Variants in CORIN observed in about 807,000 individuals in gnomAD.
CORIN encodes atrial natriuretic peptide-converting enzyme.
In CORIN, 117 loss-of-function variants were observed where a neutral mutation model predicts 125.3. That is an observed-to-expected ratio of 0.93 (90% CI 0.80 to 1.09). CORIN has a LOEUF of 1.09. Ranked by LOEUF, CORIN falls within the 50% of genes least tolerant of loss-of-function variation. The pLI is 0.00. For missense variants in CORIN, 1,253 were observed against 1,306.7 expected, an observed-to-expected ratio of 0.96 and a Z score of 0.63; for synonymous variants, 450 against 466.4, an observed-to-expected ratio of 0.96 and a Z score of 0.45.
intron 4 of CORIN, among the ~76,000 whole-genome samples, chr4:47,752,935 T>A (rs1331424767): frequency 1.3e-5 from 2 of 152,212 alleles, no homozygotes; most frequent in Non-Finnish European, 2.9e-5. Context: ...AAGGATGCCA[T>A]GAATACGGAT....
chr4:47,825,237 C>T (rs766654476), intron 1 of CORIN, among the ~76,000 whole-genome samples: 3 of 152,296 alleles, frequency 2.0e-5, no homozygotes, highest in Admixed American at 6.5e-5. Context: ...TCCGGATCAG[C>T]GATGGAAAGC....
chr4:47,811,224 C>T (rs1212286294), intron 1 of CORIN, among the ~76,000 whole-genome samples: 5 of 152,050 alleles, frequency 3.3e-5, no homozygotes, highest in African/African-American at 7.2e-5. Context: ...GAAAAAACAA[C>T]GTGAAAAATG....
intron 16 of CORIN, among the ~76,000 whole-genome samples, chr4:47,626,995 T>TGTTG (rs148244763): frequency 0.021 from 3,026 of 146,916 alleles, 42 homozygotes; most frequent in Non-Finnish European, 0.031. Flanking sequence ...TTGTTGTTGT[T>TGTTG]TTTTTTTTGA....
intron 5 of CORIN, among the ~76,000 whole-genome samples, chr4:47,702,041 A>G (rs941022470): frequency 6.6e-6 from 1 of 152,196 alleles, no homozygotes; most frequent in African/African-American, 2.4e-5. Context: ...TCTAAATTCA[A>G]AGATAATTTC....
intron 3 of CORIN, among the ~76,000 whole-genome samples, chr4:47,769,634 T>C (rs1056425675): frequency 1.3e-5 from 2 of 152,024 alleles, no homozygotes; most frequent in Non-Finnish European, 2.9e-5. Flanking sequence ...TATAAAGCTA[T>C]AGTAATCAAA....
intron 5 of CORIN, among the ~76,000 whole-genome samples, chr4:47,729,805 C>T (rs556695484): frequency 1.2e-4 from 18 of 152,224 alleles, no homozygotes; most frequent in African/African-American, 4.1e-4. Flanking sequence ...ACACACGGAG[C>T]GGCTGAATAT....
chr4:47,628,588 A>G (rs35971161), intron 16 of CORIN, among the ~76,000 whole-genome samples: 39,532 of 151,742 alleles, frequency 0.26, 5,328 homozygotes, highest in Admixed American at 0.36. Flanking sequence ...CCACATTACC[A>G]AATCTTTGTA....
rs528929728 is a variant in CORIN at position 47,729,981 on chromosome 4, A to G, written c.799+14421T>C. ...TTCCCCTGCTTCCGGCTCCCCATCC[A>G]CCTCGCTGAGAGCCACCTCCACCAC... is the stretch of plus-strand genomic sequence containing the variant. On this transcript the variant is annotated intron_variant, in intron 5 of 21. Coordinates refer to ENST00000273857, the MANE Select transcript of CORIN (RefSeq NM_006587.4). 2.6e-5 allele frequency among the ~76,000 whole-genome samples: 4 copies of G among 151,946 alleles called. No individual in the cohort carries two copies. In the South Asian group the frequency reaches 8.3e-4, roughly 32 times the overall value.
chr4:47,743,522 A>G (rs747257423), intron 5 of CORIN, among the ~76,000 whole-genome samples: 2 of 152,276 alleles, frequency 1.3e-5, no homozygotes, highest in Non-Finnish European at 2.9e-5. Context: ...AGGAGCTGGT[A>G]AGAGCATAAA....
At position 47,595,463 on chromosome 4, in the gene CORIN, A is replaced by T; in HGVS notation, c.*258T>A. The T allele has an allele frequency of 2.3e-5, 6 of 258,540 alleles. No individual in the cohort carries two copies. The highest frequency in any genetic ancestry group is 9.7e-5 in the South Asian group (1 of 10,300). 16.0% of individuals were successfully genotyped at this position (258,540 alleles called of 1,614,324 possible). A position where few individuals can be genotyped will look rare whatever the true frequency, so the allele number is the denominator to read the frequency against. On this transcript the variant is annotated 3_prime_UTR_variant, in exon 22 of 22. Coordinates refer to ENST00000273857, the MANE Select transcript of CORIN (RefSeq NM_006587.4). ...ATAATTTTGTGCTGCAGTCATGGTT[A>T]GGCCTGGCAAAAGGACAAAGTCTGC...
intron 2 of CORIN, among the ~76,000 whole-genome samples, chr4:47,797,161 T>C (rs981510493): frequency 1.3e-5 from 2 of 150,866 alleles, no homozygotes; most frequent in Non-Finnish European, 3.0e-5. Flanking sequence ...TTTCTCAACA[T>C]ATCAAAATAA....
rs202245292 is a variant in CORIN at position 47,648,001 on chromosome 4, TA to T, written c.1844-2808del. Among the ~76,000 whole-genome samples the T allele has an allele frequency of 6.0e-4, 92 of 152,302 alleles. No individual in the cohort carries two copies. The East Asian group carries it at 0.018, about 29-fold the overall frequency. On this transcript the variant is annotated intron_variant, in intron 13 of 21. Transcript: ENST00000273857. ...CCTCTCCATGTCTTCTCTTTTCTCATAAAAGTTTGCATAGCATAATACCTCC... is the reference window on the plus strand; with the variant it reads ...CCTCTCCATGTCTTCTCTTTTCTCATAAAGTTTGCATAGCATAATACCTCC...
At chr4:47,596,674 G>A (rs977935015) in intron 21 of CORIN, among the ~76,000 whole-genome samples, 1 of 152,160 alleles carries the variant, frequency 6.6e-6, no homozygotes, top group African/African-American at 2.4e-5. Flanking sequence ...AAAAAGAAGA[G>A]CTGATATCAT....
At chr4:47,706,887 G>A (rs577738640) in intron 5 of CORIN, 41 of 1,599,220 alleles carry the variant, frequency 2.6e-5, no homozygotes, top group Middle Eastern at 2.0e-4. Flanking sequence ...CGAAAGAGCC[G>A]TGGCCTTGGA....
At chr4:47,635,903 G>A (rs766867718) in intron 16 of CORIN, among the ~76,000 whole-genome samples, 2 of 152,110 alleles carry the variant, frequency 1.3e-5, no homozygotes, top group African/African-American at 2.4e-5. Context: ...AATAATACAA[G>A]CCCTCTTTGG....
At chr4:47,776,670 G>A (rs767291665) in intron 3 of CORIN, among the ~76,000 whole-genome samples, 2 of 152,084 alleles carry the variant, frequency 1.3e-5, no homozygotes, top group African/African-American at 4.8e-5. Flanking sequence ...GAATTTGGAG[G>A]CCATTCCAAT....
chr4:47,806,040 CAACTAATGAGCT>C (rs1731778391), intron 2 of CORIN, among the ~76,000 whole-genome samples: 1 of 152,154 alleles, frequency 6.6e-6, no homozygotes, highest in African/African-American at 2.4e-5. Context: ...TAGCAAGATG[CAACTAATGAGCT>C]AACTAATGAG....
intron 2 of CORIN, among the ~76,000 whole-genome samples, chr4:47,794,838 A>G (rs923461325): frequency 5.9e-5 from 9 of 152,146 alleles, no homozygotes; most frequent in African/African-American, 2.2e-4. Context: ...CACCTTTTAA[A>G]AGTCCCAACC....
intron 19 of CORIN, among the ~76,000 whole-genome samples, chr4:47,607,833 G>C (rs980111192): frequency 1.4e-4 from 21 of 152,054 alleles, no homozygotes; most frequent in African/African-American, 5.1e-4. Flanking sequence ...TATAGTCCCA[G>C]CTACTCAGGA....
Sources: gnomAD v4.1 joint callset for allele counts (sites outside exome capture counted in the v4.1 genomes callset) on GRCh38, gnomAD v4.1.1 for gene constraint, MANE v1.5 for transcripts, NCBI Gene and HGNC (gene_info 2026-07-23, HGNC 2026-07-21) for gene names.